The following EIF2AK1 variants were observed in gnomAD, a reference collection of about 807,000 sequenced individuals.
EIF2AK1 encodes the protein eukaryotic translation initiation factor 2-alpha kinase 1.
In EIF2AK1, 54 loss-of-function variants were observed where a neutral mutation model predicts 77.9. That is an observed-to-expected ratio of 0.69 (90% CI 0.56 to 0.87). The LOEUF (loss-of-function observed/expected upper bound fraction) is 0.87. EIF2AK1 is among the 40% of genes least tolerant of loss of function. EIF2AK1 has a pLI of 0.00. For missense variants in EIF2AK1, 810 were observed against 768.6 expected (o/e 1.05, Z -0.64); for synonymous variants, 314 against 290.5 (o/e 1.08, Z -0.82).
At position 6,028,667 on chromosome 7, in the gene EIF2AK1, G is replaced by A. The variant is rs144797860; in HGVS notation, c.1478C>T (p.Thr493Ile). 5.3e-5 allele frequency: 85 copies of A among 1,614,120 alleles called. No homozygotes were observed. The highest frequency in any genetic ancestry group is 7.1e-5 in the Non-Finnish European group (84 of 1,180,034). Residue 493 changes from threonine (T) to isoleucine (I), a missense_variant, in exon 13 of 15, where the codon ACT becomes ATT. Physicochemically the swap from Thr to Ile is moderately conservative, Grantham distance 89. Coordinates refer to ENST00000199389, the MANE Select transcript of EIF2AK1 (RefSeq NM_014413.4). ...RTPTHTSRVG[T>I]CLYASPEQLE... ...CTGTTCGGGTGAAGCGTACAGACAA[G>A]TACCCACTCTGGACGTATGTGTTGG...
intron 6 of EIF2AK1, among the ~76,000 whole-genome samples, chr7:6,045,868 C>T (rs1212143082): frequency 2.0e-5 from 3 of 151,580 alleles, no homozygotes; most frequent in Non-Finnish European, 4.4e-5. Context: ...CACTTTACTC[C>T]AACCTGGCCA....
At chr7:6,031,347 A>G (rs1222242112) in intron 11 of EIF2AK1, 1 of 1,540,194 alleles carries the variant, frequency 6.5e-7, no homozygotes, top group Non-Finnish European at 8.8e-7. Context: ...CCATAACAAC[A>G]TTTTCCCCTG....
intron 2 of EIF2AK1, among the ~76,000 whole-genome samples, 177 bp from the exon 3 acceptor site, chr7:6,050,222 G>C (rs1184198397): frequency 6.7e-6 from 1 of 149,630 alleles, no homozygotes; most frequent in Non-Finnish European, 1.5e-5. Flanking sequence ...TAACGTAAAA[G>C]AAATTTTTTT....
chr7:6,050,219 A>G (rs562315077), intron 2 of EIF2AK1, among the ~76,000 whole-genome samples, 174 bp from the exon 3 acceptor site: 1 of 150,072 alleles, frequency 6.7e-6, no homozygotes, highest in East Asian at 1.9e-4. Flanking sequence ...GAATAACGTA[A>G]AAGAAATTTT....
Position 6,023,416 on chromosome 7 carries a change from G to T in EIF2AK1, c.*1257C>A, listed in dbSNP as rs756474990. The T allele has an allele frequency of 6.2e-7, 1 of 1,614,094 alleles. No individual in the cohort carries two copies. Among genetic ancestry groups the T allele is most frequent in the Admixed American group, 1.7e-5 (1 of 59,986 alleles). On this transcript the variant is annotated 3_prime_UTR_variant, in exon 15 of 15. Transcript: ENST00000199389. ...TGGCCAGAAGCATAATGCTGTCAAC[G>T]CAACCCTTATAGATAGCTGGGTAGA...
At chr7:6,050,604 T>C (rs961051202) in intron 2 of EIF2AK1, among the ~76,000 whole-genome samples, 27 of 81,832 alleles carry the variant, frequency 3.3e-4, no homozygotes, top group Non-Finnish European at 6.8e-4. Context: ...TTACTTCTCT[T>C]TTTTTTTTTT....
chr7:6,049,125 C>T (rs1423649841), intron 3 of EIF2AK1, among the ~76,000 whole-genome samples: 2 of 152,132 alleles, frequency 1.3e-5, no homozygotes, highest in Non-Finnish European at 2.9e-5. Flanking sequence ...GCACCTGGCA[C>T]CCTGCTTCTG....
intron 7 of EIF2AK1, among the ~76,000 whole-genome samples, chr7:6,043,349 C>T (rs377191053): frequency 2.0e-5 from 3 of 151,696 alleles, no homozygotes; most frequent in Non-Finnish European, 4.4e-5. Flanking sequence ...GGCCGAGGCT[C>T]GAGGATCACT....
At position 6,051,894 on chromosome 7, in the gene EIF2AK1, T is replaced by C. The variant is rs540380763; in HGVS notation, c.278-1849A>G. Among the ~76,000 whole-genome samples the C allele has an allele frequency of 4.6e-5, 7 of 152,104 alleles. No homozygotes were observed. The East Asian group carries it at 9.7e-4, about 21-fold the overall frequency. The stretch of plus-strand genomic sequence containing the variant: ...TGTTTTAAACTTCAGTCATCTAGAC[T>C]GGGCATGGTGGCTCACACCTGTAAT... On this transcript the variant is annotated intron_variant, in intron 2 of 14. Transcript: ENST00000199389.
chr7:6,042,940 C>A lies in EIF2AK1; in HGVS notation c.784G>T (p.Glu262Ter), dbSNP rs1562752012. ...ATATGTAAAAGGACATACCTGTCCT[C>A]TTCCTGGTCGGAGAGCACTTCCAGA... ...PSLEVLSDQE[E>*]DREQCGVKND... is the part of the protein sequence containing the mutation. The change falls in exon 8 of 15, where the codon GAG becomes TAG. Residue 262 changes from glutamate (E) to a stop codon, truncating the protein, a stop_gained. Coordinates refer to ENST00000199389, the MANE Select transcript of EIF2AK1 (RefSeq NM_014413.4). LOFTEE classifies it high-confidence loss of function. The A allele has an allele frequency of 6.2e-7, 1 of 1,613,994 alleles. No homozygotes were observed. The highest frequency in any genetic ancestry group is 8.5e-7 in the Non-Finnish European group (1 of 1,179,876).
intron 1 of EIF2AK1, chr7:6,058,325 G>C (rs1024718113): frequency 2.2e-5 from 8 of 357,872 alleles, no homozygotes; most frequent in Middle Eastern, 9.9e-4. Context: ...GCTAAGGCTG[G>C]AGGATCACTT....
At chr7:6,049,620 C>G (rs1788547229) in intron 3 of EIF2AK1, among the ~76,000 whole-genome samples, 1 of 145,088 alleles carries the variant, frequency 6.9e-6, no homozygotes. Context: ...TCCTTTGCCT[C>G]TCCTCTCTTT....
chr7:6,046,254 G>A, intron 5 of EIF2AK1, 103 bp from the exon 6 acceptor site: 1 of 565,700 alleles, frequency 1.8e-6, no homozygotes, highest in Non-Finnish European at 2.9e-6. Flanking sequence ...TAGCCAAAGA[G>A]GTAAAATATA....
At chr7:6,050,560 C>G (rs1449913630) in intron 2 of EIF2AK1, among the ~76,000 whole-genome samples, 1 of 151,168 alleles carries the variant, frequency 6.6e-6, no homozygotes, top group East Asian at 1.9e-4. Flanking sequence ...GAAGGAACAA[C>G]TAGTACACTC....
At chr7:6,058,930 A>G in intron 1 of EIF2AK1, 36 bp downstream of exon 1, 1 of 1,479,600 alleles carries the variant, frequency 6.8e-7, no homozygotes, top group Non-Finnish European at 9.0e-7. Flanking sequence ...GTGGACAGAG[A>G]GAGCAGAGCG....
intron 5 of EIF2AK1, chr7:6,046,544 C>T (rs1427417616): frequency 1.9e-5 from 3 of 161,820 alleles, no homozygotes; most frequent in African/African-American, 7.2e-5. Flanking sequence ...CTGTACATGA[C>T]AAATGTTAAA....
Position 6,059,020 on chromosome 7 carries a change from C to T in EIF2AK1, c.64G>A (p.Ala22Thr). The change falls in exon 1 of 15, where the codon GCT (alanine) becomes ACT (threonine). Residue 22 changes from alanine (A) to threonine (T), a missense_variant. Ala to Thr is a moderately conservative substitution (Grantham distance 58, BLOSUM62 0). Around this residue, in one of 3 missense-constraint regions of EIF2AK1, gnomAD observed 246 missense variants for 199.0 expected, o/e 1.24. Transcript: ENST00000199389. Reference sequence around the variant, plus strand: ...GGAAAGTCGATGGCCGGCGGCGCAGCCACAGCCCCAGCCCCGTCGCCCTCC... The same window carrying T: ...GGAAAGTCGATGGCCGGCGGCGCAGTCACAGCCCCAGCCCCGTCGCCCTCC... The part of the protein sequence containing the change: ...EEEGDGAGAV[A>T]APPAIDFPAE... 1 of 1,540,856 alleles carries T rather than the reference C, an allele frequency of 6.5e-7. No homozygotes were observed. The highest frequency in any genetic ancestry group is 8.7e-7 in the Non-Finnish European group (1 of 1,148,314).
At chr7:6,042,317 G>A (rs540414475) in intron 8 of EIF2AK1, among the ~76,000 whole-genome samples, 1 of 152,044 alleles carries the variant, frequency 6.6e-6, no homozygotes, top group African/African-American at 2.4e-5. Flanking sequence ...CAGGCATGGT[G>A]GTGCAGGCCT....
At position 6,041,105 on chromosome 7, in the gene EIF2AK1, G is replaced by C; in HGVS notation, c.906C>G (p.Asn302Lys). 2 of 1,613,920 alleles carry C rather than the reference G, an allele frequency of 1.2e-6. No homozygotes were observed. Among genetic ancestry groups the C allele is most frequent in the Non-Finnish European group, 1.7e-6 (2 of 1,180,010 alleles). The change falls in exon 9 of 15, where the codon AAC (asparagine) becomes AAG (lysine). Residue 302 changes from asparagine (N) to lysine (K), a missense_variant. Physicochemically the swap from Asn to Lys is moderately conservative, Grantham distance 94. Around this residue, in one of 3 missense-constraint regions of EIF2AK1, gnomAD observed 549 missense variants for 533.7 expected, o/e 1.03. Transcript: ENST00000199389. ...FGESDTENQN[N>K]KSVKYTTNLV... ...AATTGGTGGTGTACTTCACCGACTT[G>C]TTATTCTGATTTTCAGTGTCAGATT... is the stretch of plus-strand genomic sequence containing the variant.
Sources: allele counts gnomAD v4.1 joint callset (sites outside exome capture counted in the v4.1 genomes callset), GRCh38; gene constraint gnomAD v4.1.1; regional missense constraint gnomAD v4.1.1; transcripts MANE v1.5; gene names NCBI Gene and HGNC (gene_info 2026-07-23, HGNC 2026-07-21).